SLC4A4: variants seen among roughly 807,000 people sequenced by gnomAD.
SLC4A4 encodes electrogenic sodium bicarbonate cotransporter 1.
A neutral mutation model predicts 111.5 loss-of-function variants in SLC4A4; 27 were observed. The ratio of observed to expected loss-of-function variants is 0.24; its 90% CI spans 0.18 to 0.33. The LOEUF (loss-of-function observed/expected upper bound fraction) is 0.33. Among genes scored for constraint, SLC4A4 ranks in the 10% least tolerant of loss-of-function variants. The pLI is 1.00. For missense variants in SLC4A4, 909 were observed against 1,315.5 expected, an observed-to-expected ratio of 0.69 and a Z score of 4.78; for synonymous variants, 443 against 463.4, an observed-to-expected ratio of 0.96 and a Z score of 0.57.
chr4:71,473,548 GA>G (rs1253795404), intron 14 of SLC4A4, among the ~76,000 whole-genome samples: 1 of 151,872 alleles, frequency 6.6e-6, no homozygotes, highest in Non-Finnish European at 1.5e-5. Flanking sequence ...AGAAATGAAA[GA>G]AGGAATGTGA....
intron 1 of SLC4A4, among the ~76,000 whole-genome samples, chr4:71,223,445 G>A (rs1196907262): frequency 6.6e-6 from 1 of 152,098 alleles, no homozygotes. Flanking sequence ...TTACAGGCGT[G>A]AGCCACCGTG....
chr4:71,524,016 C>G (rs1482232687), intron 16 of SLC4A4, among the ~76,000 whole-genome samples: 2 of 152,060 alleles, frequency 1.3e-5, no homozygotes, highest in African/African-American at 4.8e-5. Flanking sequence ...TTGATAGAAA[C>G]ACAAATCTAC....
At chr4:71,381,331 G>A (rs1468908701) in intron 6 of SLC4A4, among the ~76,000 whole-genome samples, 1 of 152,140 alleles carries the variant, frequency 6.6e-6, no homozygotes, top group Non-Finnish European at 1.5e-5. Flanking sequence ...CCATTTTCCT[G>A]AGAGCACCTT....
intron 3 of SLC4A4, among the ~76,000 whole-genome samples, chr4:71,330,100 G>A (rs756372158): frequency 1.3e-5 from 2 of 152,108 alleles, no homozygotes; most frequent in African/African-American, 4.8e-5. Flanking sequence ...CTGTTGATAT[G>A]ATGTATCACG....
chr4:71,482,223 C>A (rs1728948698), intron 14 of SLC4A4, among the ~76,000 whole-genome samples: 1 of 151,556 alleles, frequency 6.6e-6, no homozygotes, highest in South Asian at 2.1e-4. Context: ...TGCCAATATG[C>A]AATTATGAAA....
At chr4:71,361,880 A>G (rs1730819870) in intron 6 of SLC4A4, among the ~76,000 whole-genome samples, 1 of 152,222 alleles carries the variant, frequency 6.6e-6, no homozygotes. Context: ...TTCATTCAAT[A>G]AATATTTAGT....
chr4:71,481,733 A>G (rs2149123473), intron 14 of SLC4A4, among the ~76,000 whole-genome samples: 1 of 136,514 alleles, frequency 7.3e-6, no homozygotes, highest in East Asian at 2.0e-4. Context: ...ATACATTTGT[A>G]AATGTCAATT....
chr4:71,567,726 A>C, intron 25 of SLC4A4, 62 bp from the exon 26 acceptor site: 2 of 764,036 alleles, frequency 2.6e-6, no homozygotes, highest in Non-Finnish European at 4.3e-6. Flanking sequence ...ATGCATAAAC[A>C]TTTGACAGAT....
intron 7 of SLC4A4, among the ~76,000 whole-genome samples, chr4:71,436,015 C>A (rs888983414): frequency 1.3e-5 from 2 of 152,190 alleles, no homozygotes; most frequent in African/African-American, 4.8e-5. Context: ...CCTCAAGGAT[C>A]TTGAACTAGA....
At position 71,567,776 on chromosome 4, in the gene SLC4A4, CT is replaced by C; in HGVS notation, c.*37-7del. 3.0e-6 allele frequency: 4 copies of C among 1,347,868 alleles called. No homozygotes were observed. Among genetic ancestry groups the C allele is most frequent in the Admixed American group, 2.7e-5 (1 of 37,034 alleles). 83.5% of individuals were successfully genotyped at this position (1,347,868 alleles called of 1,614,324 possible). A position where few individuals can be genotyped will look rare whatever the true frequency, so the allele number is the denominator to read the frequency against. ...GATTTACTTACTACTTTTTTTTTTCCTTTTTCTCTAGTCCTCCTAGAACTCC... is the reference window on the plus strand; with the variant it reads ...GATTTACTTACTACTTTTTTTTTTCCTTTTCTCTAGTCCTCCTAGAACTCC... On this transcript the variant is annotated splice_polypyrimidine_tract_variant and intron_variant, in intron 25 of 25. Coordinates refer to ENST00000264485, the MANE Select transcript of SLC4A4 (RefSeq NM_001098484.3).
At chr4:71,390,489 G>C (rs1421625220) in intron 6 of SLC4A4, among the ~76,000 whole-genome samples, 1 of 152,092 alleles carries the variant, frequency 6.6e-6, no homozygotes, top group African/African-American at 2.4e-5. Flanking sequence ...CTTTGCCACA[G>C]AGCTGTGGTT....
At chr4:71,352,880 G>A (rs551528538) in intron 5 of SLC4A4, among the ~76,000 whole-genome samples, 86 of 152,294 alleles carry the variant, frequency 5.6e-4, no homozygotes, top group African/African-American at 2.0e-3. Flanking sequence ...CAGTTGAACA[G>A]CATCCCTGCT....
At chr4:71,219,867 A>G (rs562123454) in intron 1 of SLC4A4, among the ~76,000 whole-genome samples, 9 of 152,232 alleles carry the variant, frequency 5.9e-5, no homozygotes, top group Non-Finnish European at 1.0e-4. Flanking sequence ...TGGAGCCTGA[A>G]GAAGTGACTG....
chr4:71,368,880 G>A (rs568857230), intron 6 of SLC4A4, among the ~76,000 whole-genome samples: 1 of 152,254 alleles, frequency 6.6e-6, no homozygotes, highest in South Asian at 2.1e-4. Context: ...CAGGGCATGG[G>A]AGGGAGTGTG....
At chr4:71,352,872 G>T (rs1399647647) in intron 5 of SLC4A4, among the ~76,000 whole-genome samples, 2 of 152,306 alleles carry the variant, frequency 1.3e-5, no homozygotes, top group Admixed American at 1.3e-4. Context: ...GCTGGAAACA[G>T]TTGAACAGCA....
rs567586405 is a variant in SLC4A4, at chr4:71,169,801, C to T, written c.-1-66775C>T. On this transcript the variant is annotated intron_variant, in intron 2 of 26. Transcript: ENST00000649996. ...AGTTCAGTTCTAAGAATGAACTTCC[C>T]GGATTCTAAATTTGATCATGTGCCA... Among the ~76,000 whole-genome samples the T allele has an allele frequency of 2.7e-4, 41 of 152,258 alleles. No individual in the cohort carries two copies. The South Asian group carries it at 3.1e-3, about 12-fold the overall frequency.
intron 18 of SLC4A4, among the ~76,000 whole-genome samples, chr4:71,536,482 A>T (rs1390264118): frequency 9.6e-6 from 1 of 103,934 alleles, no homozygotes; most frequent in Non-Finnish European, 2.0e-5. Flanking sequence ...ATATATATAT[A>T]TATATGTATA....
chr4:71,397,237 T>A (rs1284281724), intron 6 of SLC4A4, among the ~76,000 whole-genome samples: 4 of 152,168 alleles, frequency 2.6e-5, no homozygotes, highest in Non-Finnish European at 4.4e-5. Flanking sequence ...CCAGATAGAT[T>A]AGCATGTATG....
intron 7 of SLC4A4, among the ~76,000 whole-genome samples, chr4:71,401,735 G>A (rs769165427): frequency 6.6e-6 from 1 of 152,128 alleles, no homozygotes; most frequent in Non-Finnish European, 1.5e-5. Context: ...GAAATACTGT[G>A]CTTAGTGGTG....
Sources: gnomAD v4.1 joint callset for allele counts (sites outside exome capture counted in the v4.1 genomes callset) on GRCh38, gnomAD v4.1.1 for gene constraint, MANE v1.5 for transcripts, NCBI Gene and HGNC (gene_info 2026-07-23, HGNC 2026-07-21) for gene names.